The following SLC9A4 variants were observed in gnomAD, a reference collection of about 807,000 sequenced individuals.
SLC9A4 encodes sodium/hydrogen exchanger 4.
Under a neutral mutation model 67.4 loss-of-function variants are expected in SLC9A4, and 63 were observed. The observed-to-expected ratio is 0.93, with a 90% confidence interval of 0.76 to 1.15. The LOEUF (loss-of-function observed/expected upper bound fraction) is 1.15. Ranked by LOEUF, SLC9A4 falls within the 50% of genes most tolerant of loss-of-function variation. The probability of loss-of-function intolerance (pLI) is 0.00; values close to 1 mark genes in which losing one functional copy is unlikely to be tolerated. For missense variants in SLC9A4, 1,089 were observed against 987.7 expected (o/e 1.10, Z -1.38); for synonymous variants, 393 against 367.2 (o/e 1.07, Z -0.80).
chr2:102,494,521 G>C (rs190593621), intron 2 of SLC9A4, among the ~76,000 whole-genome samples: 1 of 151,980 alleles, frequency 6.6e-6, no homozygotes, highest in Admixed American at 6.6e-5. Flanking sequence ...TGGACTAAAC[G>C]CTCCAATTAA....
At chr2:102,506,364 G>A (rs1463143474) in intron 4 of SLC9A4, among the ~76,000 whole-genome samples, 1 of 152,178 alleles carries the variant, frequency 6.6e-6, no homozygotes, top group Non-Finnish European at 1.5e-5. Context: ...GAGAAATTAG[G>A]TGAAATGGCT....
rs981462246 is a variant in SLC9A4, at chr2:102,505,251, T to C, written c.981-3T>C. ...TTTCTCTGAGACTCTGCTCCTTTTA[T>C]AGAATCACAGCCTGCGCAGTAACAA... is the stretch of plus-strand genomic sequence containing the variant. On this transcript the variant is annotated splice_polypyrimidine_tract_variant and splice_region_variant and intron_variant, in intron 3 of 11. Coordinates refer to ENST00000295269, the MANE Select transcript of SLC9A4 (RefSeq NM_001011552.4). 2 of 1,613,278 alleles carry C rather than the reference T, an allele frequency of 1.2e-6. No homozygotes were observed. The highest frequency in any genetic ancestry group is 1.7e-6 in the Non-Finnish European group (2 of 1,179,628).
chr2:102,519,988 T>C, intron 9 of SLC9A4, 33 bp downstream of exon 9: 4 of 1,581,904 alleles, frequency 2.5e-6, no homozygotes, highest in Non-Finnish European at 3.5e-6. Context: ...GTCCCCATTT[T>C]CTGTCCTTGA....
rs374638404 is a variant in SLC9A4, at chr2:102,493,550, G to C, written c.721-9898G>C. Among the ~76,000 whole-genome samples the C allele has an allele frequency of 1.2e-3, 184 of 151,840 alleles. 6 individuals carry two copies. In the South Asian group the frequency reaches 0.037, roughly 31 times the overall value. Reference sequence around the variant, plus strand: ...CTCACTATCATGAAGACAGCATGGAGGTAACCATCCCCATGATTCAATTAC... The same window carrying C: ...CTCACTATCATGAAGACAGCATGGACGTAACCATCCCCATGATTCAATTAC... On this transcript the variant is annotated intron_variant, in intron 2 of 11. Coordinates refer to ENST00000295269, the MANE Select transcript of SLC9A4 (RefSeq NM_001011552.4).
intron 8 of SLC9A4, among the ~76,000 whole-genome samples, chr2:102,514,508 A>G (rs945709504): frequency 4.6e-5 from 7 of 152,210 alleles, no homozygotes; most frequent in Non-Finnish European, 1.0e-4. Context: ...TTGGGAGGGA[A>G]GGGCAAGCGA....
chr2:102,479,122 C>T lies in SLC9A4; in HGVS notation c.540C>T (p.Ile180=), dbSNP rs762469051. ...GCATTGGCCTCTCCCTCTACCTCAT[C>T]TGCCAGGTGAAGGCCTTTGGCCTGG... ...ALGIGLSLYL[I]CQVKAFGLGD... The change falls in exon 2 of 12, where the codon ATC becomes ATT. Residue 180 remains isoleucine (I), a synonymous_variant. Coordinates refer to ENST00000295269, the MANE Select transcript of SLC9A4 (RefSeq NM_001011552.4). The T allele has an allele frequency of 4.3e-6, 7 of 1,614,084 alleles. No homozygotes were observed. In the South Asian group the frequency reaches 5.5e-5, roughly 13 times the overall value.
intron 6 of SLC9A4, among the ~76,000 whole-genome samples, chr2:102,510,231 G>GGATACGGATACAGATACA (rs1685134898): frequency 1.5e-5 from 2 of 137,020 alleles, no homozygotes; most frequent in African/African-American, 2.8e-5. Flanking sequence ...ATACGGATAC[G>GGATACGGATACAGATACA]GATACAGATA....
At chr2:102,507,723 T>A (rs1205198118) in intron 4 of SLC9A4, among the ~76,000 whole-genome samples, 1 of 152,072 alleles carries the variant, frequency 6.6e-6, no homozygotes, top group Non-Finnish European at 1.5e-5. Context: ...CTCAACAATA[T>A]CCTTGCTTTG....
chr2:102,478,883 T>C lies in SLC9A4; in HGVS notation c.301T>C (p.Cys101Arg). The change falls in exon 2 of 12, where the codon TGC becomes CGC. Residue 101 changes from cysteine to arginine, a missense_variant. Transcript: ENST00000295269. ...HRLPGLMPES[C>R]LLILVGALVG... ...GCTGCCAGGCCTCATGCCAGAAAGC[T>C]GCCTCCTCATCCTGGTGGGGGCGCT... is the stretch of plus-strand genomic sequence containing the variant. The C allele has an allele frequency of 6.2e-7, 1 of 1,614,198 alleles. No individual in the cohort carries two copies.
intron 11 of SLC9A4, 99 bp downstream of exon 11, chr2:102,526,445 G>A (rs1314348580): frequency 9.7e-7 from 1 of 1,031,760 alleles, no homozygotes; most frequent in Non-Finnish European, 1.4e-6. Context: ...ACATTATGTA[G>A]GTTACTTACA....
chr2:102,497,181 C>T (rs1037530941), intron 2 of SLC9A4, among the ~76,000 whole-genome samples: 3 of 152,226 alleles, frequency 2.0e-5, no homozygotes, highest in Non-Finnish European at 2.9e-5. Context: ...GATGCATCTG[C>T]CTCGGCCTCC....
At chr2:102,492,830 T>G (rs1684732366) in intron 2 of SLC9A4, among the ~76,000 whole-genome samples, 1 of 152,238 alleles carries the variant, frequency 6.6e-6, no homozygotes, top group Non-Finnish European at 1.5e-5. Context: ...ATAGTCAGGC[T>G]GCAAATTTTC....
At chr2:102,521,187 G>A (rs1236545753) in intron 9 of SLC9A4, among the ~76,000 whole-genome samples, 2 of 152,178 alleles carry the variant, frequency 1.3e-5, no homozygotes, top group Non-Finnish European at 2.9e-5. Flanking sequence ...TGTGGATGAA[G>A]GCCAAGTTTA....
intron 7 of SLC9A4, among the ~76,000 whole-genome samples, chr2:102,513,738 G>C (rs1415174452): frequency 6.6e-6 from 1 of 152,200 alleles, no homozygotes; most frequent in Non-Finnish European, 1.5e-5. Flanking sequence ...TTATTCAAAA[G>C]CTTCAGCCCC....
At chr2:102,513,561 A>G (rs1196780868) in intron 7 of SLC9A4, among the ~76,000 whole-genome samples, 1 of 62,622 alleles carries the variant, frequency 1.6e-5, no homozygotes, top group Non-Finnish European at 3.6e-5. Flanking sequence ...GGACATACGT[A>G]GGGTTTTTTT....
At chr2:102,508,997 CAT>C (rs941727499) in intron 6 of SLC9A4, 64 bp downstream of exon 6, 3 of 1,368,656 alleles carry the variant, frequency 2.2e-6, no homozygotes, top group Non-Finnish European at 3.1e-6. Flanking sequence ...CACCATGAGA[CAT>C]GTGCACGTGT....
intron 6 of SLC9A4, among the ~76,000 whole-genome samples, chr2:102,511,954 CCT>C (rs1553413740): frequency 2.0e-5 from 3 of 151,914 alleles, no homozygotes; most frequent in Non-Finnish European, 4.4e-5. Flanking sequence ...TGCCAGGTGC[CCT>C]GTTTTCATTA....
intron 1 of SLC9A4, among the ~76,000 whole-genome samples, chr2:102,474,998 T>A (rs1310840425): frequency 1.3e-5 from 2 of 152,200 alleles, no homozygotes; most frequent in Non-Finnish European, 2.9e-5. Context: ...TTCACTTAGC[T>A]CCCTCCCTGT....
intron 2 of SLC9A4, among the ~76,000 whole-genome samples, chr2:102,502,208 C>T (rs1229209362): frequency 6.6e-6 from 1 of 152,152 alleles, no homozygotes; most frequent in Non-Finnish European, 1.5e-5. Flanking sequence ...ATTACCTGTA[C>T]ACCTGCTGCT....
Sources: gnomAD v4.1 joint callset for allele counts (sites outside exome capture counted in the v4.1 genomes callset) on GRCh38, gnomAD v4.1.1 for gene constraint, MANE v1.5 for transcripts, NCBI Gene and HGNC (gene_info 2026-07-23, HGNC 2026-07-21) for gene names.